Variants in ACSS3 observed in about 807,000 individuals in gnomAD.
The protein encoded by ACSS3 is acyl-CoA synthetase short-chain family member 3, mitochondrial.
In ACSS3, 64 loss-of-function variants were observed where a neutral mutation model predicts 84.2. The ratio of observed to expected loss-of-function variants is 0.76; its 90% confidence interval spans 0.62 to 0.94. The LOEUF (loss-of-function observed/expected upper bound fraction) is 0.94, where lower values mean the gene tolerates loss of function less well. ACSS3 is among the 40% of genes least tolerant of loss of function. The pLI is 0.00. For synonymous variants in ACSS3, 317 were observed against 310.1 expected (o/e 1.02, Z -0.23); for missense variants, 815 against 867.6 (o/e 0.94, Z 0.76).
intron 13 of ACSS3, among the ~76,000 whole-genome samples, chr12:81,249,620 A>G (rs560712274): frequency 2.6e-5 from 4 of 152,190 alleles, no homozygotes; most frequent in East Asian, 1.9e-4. Context: ...TGCCATTTCA[A>G]TTCTACCAAG....
At position 81,134,887 on chromosome 12, in the gene ACSS3, T is replaced by G. The variant is rs1885704619; in HGVS notation, c.528T>G (p.Pro176=). ...GTGACACTGTGGTTATCTACATGCC[T>G]ATGATCCCACAGGCGATGTATACCA... is the stretch of plus-strand genomic sequence containing the variant. The part of the protein sequence containing the change: ...KKGDTVVIYM[P]MIPQAMYTML... The change falls in exon 3 of 16, where the codon CCT becomes CCG. Residue 176 remains proline, a synonymous_variant. Transcript: ENST00000548058. The G allele has an allele frequency of 1.9e-6, 3 of 1,602,642 alleles. No homozygotes were observed. Among genetic ancestry groups the G allele is most frequent in the Non-Finnish European group, 2.6e-6 (3 of 1,173,716 alleles).
chr12:81,121,722 C>T (rs1273779763), intron 2 of ACSS3, among the ~76,000 whole-genome samples: 2 of 151,864 alleles, frequency 1.3e-5, no homozygotes, highest in African/African-American at 4.8e-5. Flanking sequence ...ATGCTGTGAC[C>T]CTGGGGCTTT....
At chr12:81,215,311 T>A (rs146711636) in intron 9 of ACSS3, among the ~76,000 whole-genome samples, 509 of 152,190 alleles carry the variant, frequency 3.3e-3, no homozygotes, top group Non-Finnish European at 5.0e-3. Flanking sequence ...TCTGCTCTGG[T>A]TACTTGCCGA....
chr12:81,126,751 T>A (rs973088886), intron 2 of ACSS3, among the ~76,000 whole-genome samples: 1 of 152,150 alleles, frequency 6.6e-6, no homozygotes, highest in Admixed American at 6.5e-5. Context: ...ATTAAATAAT[T>A]ATCTATTTCA....
intron 7 of ACSS3, among the ~76,000 whole-genome samples, chr12:81,165,118 A>T (rs989833165): frequency 1.3e-5 from 2 of 152,194 alleles, no homozygotes; most frequent in African/African-American, 4.8e-5. Context: ...GATTTTTCCC[A>T]TGACTAGTTG....
At chr12:81,217,441 T>C (rs796426295) in intron 10 of ACSS3, among the ~76,000 whole-genome samples, 31 of 152,336 alleles carry the variant, frequency 2.0e-4, no homozygotes, top group African/African-American at 7.5e-4. Context: ...ACCATTGTCC[T>C]CAGAATTTGC....
At chr12:81,118,760 C>A (rs61934933) in intron 2 of ACSS3, among the ~76,000 whole-genome samples, 5,827 of 152,272 alleles carry the variant, frequency 0.038, 148 homozygotes, top group Non-Finnish European at 0.062. Flanking sequence ...TCCTCAGACA[C>A]ATACTGAATG....
intron 1 of ACSS3, among the ~76,000 whole-genome samples, chr12:81,080,560 G>T (rs895633076): frequency 3.1e-4 from 47 of 152,154 alleles, no homozygotes; most frequent in African/African-American, 1.1e-3. Flanking sequence ...AATCTTAAAA[G>T]AATTCTGGTT....
At chr12:81,212,473 G>A (rs1426610216) in intron 9 of ACSS3, among the ~76,000 whole-genome samples, 2 of 152,156 alleles carry the variant, frequency 1.3e-5, no homozygotes, top group African/African-American at 4.8e-5. Flanking sequence ...TCTGTTACTT[G>A]AGAGCTTCAG....
At chr12:81,244,426 ACTCT>A (rs2033916352) in intron 13 of ACSS3, among the ~76,000 whole-genome samples, 2 of 149,822 alleles carry the variant, frequency 1.3e-5, no homozygotes, top group South Asian at 4.2e-4. Context: ...TTTGGGGGAA[ACTCT>A]CAGTCATTAT....
At chr12:81,198,762 C>T (rs986690291) in intron 8 of ACSS3, among the ~76,000 whole-genome samples, 7 of 152,204 alleles carry the variant, frequency 4.6e-5, no homozygotes, top group African/African-American at 1.7e-4. Context: ...GATTGAAGAA[C>T]CTTTTTGACT....
chr12:81,098,334 T>G (rs1882236174), intron 1 of ACSS3, among the ~76,000 whole-genome samples: 1 of 152,186 alleles, frequency 6.6e-6, no homozygotes, highest in Non-Finnish European at 1.5e-5. Flanking sequence ...TTTTTAAATG[T>G]ATGGATAGCT....
At chr12:81,187,178 T>C (rs2031312507) in intron 8 of ACSS3, among the ~76,000 whole-genome samples, 1 of 151,320 alleles carries the variant, frequency 6.6e-6, no homozygotes, top group African/African-American at 2.4e-5. Context: ...AATACAGATA[T>C]ACAGAAGAAA....
chr12:81,157,133 C>G (rs1441467957), intron 7 of ACSS3, among the ~76,000 whole-genome samples: 2 of 152,070 alleles, frequency 1.3e-5, no homozygotes, highest in African/African-American at 4.8e-5. Flanking sequence ...AACAATTCAG[C>G]AATCTATAAA....
chr12:81,131,956 C>G (rs1043700780), intron 2 of ACSS3, among the ~76,000 whole-genome samples: 8 of 152,280 alleles, frequency 5.3e-5, no homozygotes, highest in African/African-American at 1.9e-4. Flanking sequence ...TTGAACCAGC[C>G]TTGCATCGCA....
At chr12:81,199,646 C>T (rs547129747) in intron 9 of ACSS3, 1 of 1,486,378 alleles carries the variant, frequency 6.7e-7, no homozygotes, top group African/African-American at 1.4e-5. Flanking sequence ...TGCCACCATT[C>T]TCTTGGTCCC....
chr12:81,159,899 C>T (rs1887066691), intron 7 of ACSS3, among the ~76,000 whole-genome samples: 1 of 152,216 alleles, frequency 6.6e-6, no homozygotes, highest in Admixed American at 6.5e-5. Context: ...CAAAATCCAA[C>T]ACATTTCTCT....
chr12:81,085,901 G>A lies in ACSS3; in HGVS notation c.311+7470G>A, dbSNP rs1593018740. 2.0e-5 allele frequency among the ~76,000 whole-genome samples: 3 copies of A among 151,916 alleles called. No individual in the cohort carries two copies. In the South Asian group the frequency reaches 6.2e-4, roughly 32 times the overall value. ...CATATTAAATTATTCTAGGGTTCTT[G>A]GGCATCATGTCAGTAAATGTTTCAA... On this transcript the variant is annotated intron_variant, in intron 1 of 15. Coordinates refer to ENST00000548058, the MANE Select transcript of ACSS3 (RefSeq NM_024560.4).
chr12:81,171,064 A>C (rs1320892637), intron 7 of ACSS3, among the ~76,000 whole-genome samples: 1 of 152,214 alleles, frequency 6.6e-6, no homozygotes, highest in East Asian at 1.9e-4. Context: ...ATTGGACACA[A>C]ATAGCTTGCA....
Sources: gnomAD v4.1 joint callset for allele counts (sites outside exome capture counted in the v4.1 genomes callset) on GRCh38, gnomAD v4.1.1 for gene constraint, MANE v1.5 for transcripts, NCBI Gene and HGNC (gene_info 2026-07-23, HGNC 2026-07-21) for gene names.